The following TMEM39A variants were observed in gnomAD, a reference collection of about 807,000 sequenced individuals.
TMEM39A encodes transmembrane protein 39A, also known as suppressor of SQST-1 aggregates in rpl-43 mutants.
TMEM39A carries 19 observed loss-of-function variants against 51.9 expected under a neutral mutation model. That is an observed-to-expected ratio of 0.37 (90% CI 0.26 to 0.54). The LOEUF is 0.54. Ranked by LOEUF, TMEM39A falls within the 20% of genes least tolerant of loss-of-function variation. The pLI, the probability that TMEM39A is intolerant of heterozygous loss-of-function variation, is 0.88. For synonymous variants in TMEM39A, 197 were observed against 220.2 expected, an observed-to-expected ratio of 0.89 and a Z score of 0.93; for missense variants, 433 against 590.5, an observed-to-expected ratio of 0.73 and a Z score of 2.76.
At chr3:119,436,683 TA>T (rs1560008979) in intron 7 of TMEM39A, 107 bp downstream of exon 7, 1 of 1,255,952 alleles carries the variant, frequency 8.0e-7, no homozygotes, top group Non-Finnish European at 1.1e-6. Flanking sequence ...AGACAAAAAC[TA>T]AAAATTAAAT....
chr3:119,445,034 C>G (rs544882531), intron 5 of TMEM39A, among the ~76,000 whole-genome samples: 1 of 151,720 alleles, frequency 6.6e-6, no homozygotes, highest in Admixed American at 6.6e-5. Flanking sequence ...GAGCTGAGAT[C>G]GCTCTACTGC....
intron 3 of TMEM39A, among the ~76,000 whole-genome samples, chr3:119,454,191 C>T (rs538340771): frequency 2.6e-5 from 4 of 152,070 alleles, no homozygotes; most frequent in Admixed American, 6.5e-5. Flanking sequence ...GCTTTTAATT[C>T]GAGTGAAAAA....
chr3:119,450,518 C>T (rs1459087039), intron 4 of TMEM39A, among the ~76,000 whole-genome samples: 1 of 152,050 alleles, frequency 6.6e-6, no homozygotes, highest in African/African-American at 2.4e-5. Context: ...GTATTCTGTT[C>T]CCATTAAGAA....
chr3:119,436,120 A>C (rs758723434), intron 7 of TMEM39A, among the ~76,000 whole-genome samples: 1 of 152,188 alleles, frequency 6.6e-6, no homozygotes, highest in Admixed American at 6.5e-5. Context: ...ATGATGAAGG[A>C]CTCAGAAGTG....
At chr3:119,451,259 T>C in intron 4 of TMEM39A, 1 of 1,287,482 alleles carries the variant, frequency 7.8e-7, no homozygotes, top group Non-Finnish European at 1.0e-6. Flanking sequence ...ACTTAGTATT[T>C]CCAGTTACTC....
At chr3:119,451,713 C>A (rs1220029191) in intron 4 of TMEM39A, among the ~76,000 whole-genome samples, 1 of 151,010 alleles carries the variant, frequency 6.6e-6, no homozygotes, top group Admixed American at 6.6e-5. Flanking sequence ...GCCTGTAATC[C>A]CAGCTACTTG....
intron 5 of TMEM39A, among the ~76,000 whole-genome samples, chr3:119,443,762 T>A (rs1232337122): frequency 1.3e-5 from 2 of 151,632 alleles, no homozygotes; most frequent in Non-Finnish European, 2.9e-5. Context: ...CAAAAAAATT[T>A]AAAAATTAGC....
At chr3:119,461,341 T>C (rs993621941) in intron 2 of TMEM39A, among the ~76,000 whole-genome samples, 1 of 152,066 alleles carries the variant, frequency 6.6e-6, no homozygotes, top group South Asian at 2.1e-4. Context: ...AGTGCATAAA[T>C]ACCATTAGAC....
intron 5 of TMEM39A, among the ~76,000 whole-genome samples, chr3:119,439,358 G>A (rs1005119475): frequency 1.3e-5 from 2 of 151,984 alleles, no homozygotes; most frequent in Admixed American, 6.6e-5. Context: ...AGGCGAGCAG[G>A]TCACCTGAGG....
intron 3 of TMEM39A, among the ~76,000 whole-genome samples, chr3:119,454,149 T>G (rs1560019019): frequency 6.6e-6 from 1 of 152,204 alleles, no homozygotes; most frequent in Non-Finnish European, 1.5e-5. Flanking sequence ...AGATAATTAT[T>G]GTAGTGGGGC....
chr3:119,431,907 T>C lies in TMEM39A; in HGVS notation c.*74A>G, dbSNP rs1290958074. 1.9e-6 allele frequency: 2 copies of C among 1,026,852 alleles called. No individual in the cohort carries two copies. The highest frequency in any genetic ancestry group is 3.3e-5 in the African/African-American group (2 of 61,190). 63.6% of individuals were successfully genotyped at this position (1,026,852 alleles called of 1,614,324 possible). On this transcript the variant is annotated 3_prime_UTR_variant, in exon 9 of 9. Coordinates refer to ENST00000319172, the MANE Select transcript of TMEM39A (RefSeq NM_018266.3). ...AAATATAAAATATCTTAAATATTTATAAAAATCACAAGAAAAAAATAGAAC... is the reference window on the plus strand; with the variant it reads ...AAATATAAAATATCTTAAATATTTACAAAAATCACAAGAAAAAAATAGAAC...
intron 2 of TMEM39A, among the ~76,000 whole-genome samples, chr3:119,459,443 A>G (rs571933181): frequency 4.6e-5 from 7 of 152,242 alleles, no homozygotes; most frequent in Admixed American, 3.9e-4. Flanking sequence ...TAGGGAAAGC[A>G]GTGGTCATTT....
At chr3:119,462,653 G>GGGGGTGGGGGT (rs2081354988) in intron 1 of TMEM39A, among the ~76,000 whole-genome samples, 1 of 97,314 alleles carries the variant, frequency 1.0e-5, no homozygotes, top group Non-Finnish European at 2.1e-5. Context: ...GCGGGGGGGG[G>GGGGGTGGGGGT]GAGTGTCCCC....
chr3:119,443,063 CAAAA>C (rs56263355), intron 5 of TMEM39A, among the ~76,000 whole-genome samples: 3 of 53,086 alleles, frequency 5.7e-5, no homozygotes. Context: ...GACCCTGTCT[CAAAA>C]AAAAAAAAAA....
At chr3:119,458,430 T>C (rs773199321) in intron 2 of TMEM39A, among the ~76,000 whole-genome samples, 190 bp from the exon 3 acceptor site, 76 of 152,182 alleles carry the variant, frequency 5.0e-4, no homozygotes, top group Non-Finnish European at 1.3e-4. Context: ...GCCTCCATTA[T>C]CTCCTACATG....
At chr3:119,447,417 T>G (rs1351274386) in intron 4 of TMEM39A, among the ~76,000 whole-genome samples, 1 of 152,132 alleles carries the variant, frequency 6.6e-6, no homozygotes, top group Non-Finnish European at 1.5e-5. Flanking sequence ...TAAGGTCTTT[T>G]TATATCATCT....
rs554822018 is a variant in TMEM39A at position 119,459,833 on chromosome 3, A to G, written c.114-1593T>C. On this transcript the variant is annotated intron_variant, in intron 2 of 8. Transcript: ENST00000319172. ...CAAATGTATCATCCAAAAGTATGTA[A>G]TACTGAAGCAATTATCTATTTCCCT... is the stretch of plus-strand genomic sequence containing the variant. 2.6e-4 allele frequency among the ~76,000 whole-genome samples: 40 copies of G among 152,316 alleles called. No individual in the cohort carries two copies. The South Asian group carries it at 8.1e-3, about 31-fold the overall frequency.
intron 5 of TMEM39A, among the ~76,000 whole-genome samples, chr3:119,439,788 G>A (rs2081025911): frequency 6.6e-6 from 1 of 150,742 alleles, no homozygotes; most frequent in African/African-American, 2.4e-5. Context: ...TTTTTTTTGA[G>A]ACAAGGTCTT....
At chr3:119,447,246 A>G (rs2081140066) in intron 4 of TMEM39A, 74 bp from the exon 5 acceptor site, 1 of 1,495,764 alleles carries the variant, frequency 6.7e-7, no homozygotes, top group Non-Finnish European at 9.1e-7. Flanking sequence ...TCAAGTAAGA[A>G]CTTAATAGGT....
Sources: gnomAD v4.1 joint callset for allele counts (sites outside exome capture counted in the v4.1 genomes callset) on GRCh38, gnomAD v4.1.1 for gene constraint, MANE v1.5 for transcripts, NCBI Gene and HGNC (gene_info 2026-07-23, HGNC 2026-07-21) for gene names.